CCDC192: variants seen among roughly 807,000 people sequenced by gnomAD.
CCDC192 encodes the protein coiled-coil domain containing 192, also known as coiled-coil domain-containing protein 192.
intron 3 of CCDC192, among the ~76,000 whole-genome samples, chr5:127,779,455 C>G (rs942412193): frequency 7.2e-5 from 11 of 151,978 alleles, no homozygotes; most frequent in Non-Finnish European, 1.3e-4. Flanking sequence ...GCCACCACGC[C>G]TGGCTAATTT....
intron 3 of CCDC192, among the ~76,000 whole-genome samples, chr5:127,766,962 CT>C (rs1179549713): frequency 2.0e-5 from 3 of 152,210 alleles, no homozygotes; most frequent in African/African-American, 7.2e-5. Context: ...ACCTCAAGGA[CT>C]TTCCCTGAAG....
At chr5:127,939,050 T>TTGAAATTTGAG (rs1316802047) in intron 6 of CCDC192, among the ~76,000 whole-genome samples, 1 of 152,264 alleles carries the variant, frequency 6.6e-6, no homozygotes, top group East Asian at 1.9e-4. Context: ...AAATGCTTTT[T>TTGAAATTTGAG]TGAAATTTGA....
intron 6 of CCDC192, among the ~76,000 whole-genome samples, chr5:127,929,921 T>C (rs2127201071): frequency 6.6e-6 from 1 of 152,038 alleles, no homozygotes; most frequent in East Asian, 1.9e-4. Context: ...AGATGGAAAA[T>C]GGCCAGGCGC....
At chr5:127,732,822 C>G (rs1752716781) in intron 2 of CCDC192, among the ~76,000 whole-genome samples, 1 of 152,084 alleles carries the variant, frequency 6.6e-6, no homozygotes, top group African/African-American at 2.4e-5. Context: ...AGGGGAATAA[C>G]ACACACTGGG....
intron 6 of CCDC192, among the ~76,000 whole-genome samples, chr5:127,933,287 T>C (rs1406439446): frequency 6.6e-6 from 1 of 152,142 alleles, no homozygotes; most frequent in Non-Finnish European, 1.5e-5. Flanking sequence ...CTGACTTATA[T>C]TTTGATGGGA....
At chr5:127,796,002 C>T (rs1440547391) in intron 3 of CCDC192, among the ~76,000 whole-genome samples, 1 of 152,080 alleles carries the variant, frequency 6.6e-6, no homozygotes, top group Non-Finnish European at 1.5e-5. Context: ...CCCTCTAACC[C>T]TTATTTTGCA....
chr5:127,768,166 C>T (rs748583146), intron 3 of CCDC192, among the ~76,000 whole-genome samples: 1 of 151,932 alleles, frequency 6.6e-6, no homozygotes, highest in Non-Finnish European at 1.5e-5. Flanking sequence ...GCAGGAGAAT[C>T]GCTTGAACTC....
In CCDC192 at chr5:127,873,566, T is replaced by C. The variant is rs1028735477; in HGVS notation, c.412-1972T>C. Among the ~76,000 whole-genome samples, 5 of 152,332 alleles carry C rather than the reference T, an allele frequency of 3.3e-5. No homozygotes were observed. In the East Asian group the frequency reaches 9.6e-4, roughly 29 times the overall value. Reference sequence around the variant, plus strand: ...AGTCCTTAACATTTCAGCACACATATTATTGTTAGTTCTTTTTGGACACTT... The same window carrying C: ...AGTCCTTAACATTTCAGCACACATACTATTGTTAGTTCTTTTTGGACACTT... On this transcript the variant is annotated intron_variant, in intron 5 of 6. Transcript: ENST00000514853.
At chr5:127,791,360 A>T (rs565171773) in intron 3 of CCDC192, among the ~76,000 whole-genome samples, 3 of 152,254 alleles carry the variant, frequency 2.0e-5, no homozygotes, top group African/African-American at 7.2e-5. Context: ...GGGTACTGAT[A>T]TATTTTGGAA....
intron 3 of CCDC192, among the ~76,000 whole-genome samples, chr5:127,794,484 ACTGT>A (rs1023799747): frequency 5.9e-5 from 9 of 152,262 alleles, no homozygotes; most frequent in Non-Finnish European, 8.8e-5. Flanking sequence ...GGCTCTGCAG[ACTGT>A]CTGACATGTA....
intron 3 of CCDC192, among the ~76,000 whole-genome samples, chr5:127,784,274 C>T (rs1190102326): frequency 6.6e-6 from 1 of 152,196 alleles, no homozygotes; most frequent in Non-Finnish European, 1.5e-5. Flanking sequence ...TCTCAAAGTG[C>T]TGCCAATATG....
intron 2 of CCDC192, among the ~76,000 whole-genome samples, chr5:127,721,873 T>TA (rs533793861): frequency 1.4e-3 from 207 of 152,198 alleles, no homozygotes; most frequent in African/African-American, 4.8e-3. Flanking sequence ...CACACACTTT[T>TA]AAACAACCAG....
chr5:127,724,527 C>A (rs1236614444), intron 2 of CCDC192, among the ~76,000 whole-genome samples: 1 of 151,976 alleles, frequency 6.6e-6, no homozygotes, highest in Non-Finnish European at 1.5e-5. Flanking sequence ...TCCAAATGTA[C>A]TAAATGGTTG....
At chr5:127,888,308 C>T (rs1456980789) in intron 6 of CCDC192, among the ~76,000 whole-genome samples, 1 of 151,544 alleles carries the variant, frequency 6.6e-6, no homozygotes, top group African/African-American at 2.4e-5. Context: ...CCCAGCTACT[C>T]AGGAGGCTGA....
At chr5:127,703,600 A>G in intron 1 of CCDC192, 93 bp downstream of exon 1, 1 of 392,838 alleles carries the variant, frequency 2.5e-6, no homozygotes, top group Non-Finnish European at 4.5e-6. Flanking sequence ...ATCTTTCTTT[A>G]AAGTCTGGGG....
At chr5:127,906,917 T>G (rs934672283) in intron 6 of CCDC192, among the ~76,000 whole-genome samples, 1 of 152,190 alleles carries the variant, frequency 6.6e-6, no homozygotes, top group African/African-American at 2.4e-5. Flanking sequence ...GGCACATCAT[T>G]TTTCACAGCT....
At position 127,829,741 on chromosome 5, in the gene CCDC192, G is replaced by A. The variant is rs138367803; in HGVS notation, c.411+31579G>A. On this transcript the variant is annotated intron_variant, in intron 5 of 6. Coordinates refer to ENST00000514853, the MANE Select transcript of CCDC192 (RefSeq NM_001317938.2). ...CAGTTTACTAATTTCCAGAATTAGT[G>A]TTTTTGTGTCTTTGTTGATTTTTAT... 1.4e-3 allele frequency among the ~76,000 whole-genome samples: 213 copies of A among 152,208 alleles called. 1 individual carries two copies. Among genetic ancestry groups the A allele is most frequent in the African/African-American group, 4.9e-3 (203 of 41,532 alleles).
chr5:127,819,863 G>A (rs931782101), intron 5 of CCDC192, among the ~76,000 whole-genome samples: 2 of 152,184 alleles, frequency 1.3e-5, no homozygotes, highest in African/African-American at 4.8e-5. Context: ...CTGCACAAAT[G>A]AATAGTCCAT....
intron 1 of CCDC192, among the ~76,000 whole-genome samples, chr5:127,706,525 GAAAAAAAAA>G (rs1224118510): frequency 1.7e-5 from 1 of 60,276 alleles, no homozygotes; most frequent in South Asian, 7.3e-4. Flanking sequence ...CTCCATCTCA[GAAAAAAAAA>G]AAAAAAAAAA....
Sources: allele counts gnomAD v4.1 joint callset (sites outside exome capture counted in the v4.1 genomes callset), GRCh38; gene constraint gnomAD v4.1.1; transcripts MANE v1.5; gene names NCBI Gene and HGNC (gene_info 2026-07-23, HGNC 2026-07-21).